Variants in ASCC3 observed in about 807,000 individuals in gnomAD.
The protein encoded by ASCC3 is ASC-1 complex subunit P200.
In ASCC3, 158 loss-of-function variants were observed where a neutral mutation model predicts 256.3. That is an observed-to-expected ratio of 0.62 (90% confidence interval 0.54 to 0.70). The LOEUF is 0.70. Among genes scored for constraint, ASCC3 ranks in the 30% least tolerant of loss-of-function variants. The probability of loss-of-function intolerance (pLI) is 0.00; values close to 1 mark genes in which losing one functional copy is unlikely to be tolerated. For missense variants in ASCC3, 2,259 were observed against 2,626.0 expected (o/e 0.86, Z 3.05); for synonymous variants, 948 against 883.4 (o/e 1.07, Z -1.30).
chr6:100,768,626 T>C (rs535373092), intron 8 of ASCC3, among the ~76,000 whole-genome samples: 1 of 152,158 alleles, frequency 6.6e-6, no homozygotes, highest in African/African-American at 2.4e-5. Context: ...AAATCCACAA[T>C]TACAATCAAA....
intron 16 of ASCC3, among the ~76,000 whole-genome samples, chr6:100,659,552 C>A (rs1409238261): frequency 6.6e-6 from 1 of 151,442 alleles, no homozygotes; most frequent in Non-Finnish European, 1.5e-5. Context: ...CTGAAAATCA[C>A]ACATTTAATA....
intron 10 of ASCC3, among the ~76,000 whole-genome samples, chr6:100,740,613 C>A (rs1294362058): frequency 6.6e-6 from 1 of 152,150 alleles, no homozygotes; most frequent in African/African-American, 2.4e-5. Flanking sequence ...AATCTGGGTG[C>A]TCCTGTATTG....
intron 10 of ASCC3, among the ~76,000 whole-genome samples, chr6:100,755,569 A>G (rs1267459850): frequency 2.0e-5 from 3 of 152,142 alleles, no homozygotes; most frequent in African/African-American, 2.4e-5. Flanking sequence ...CTTAAAGATC[A>G]GACTACATGA....
At chr6:100,799,327 C>T (rs1263299127) in intron 7 of ASCC3, 104 bp downstream of exon 7, 3 of 1,263,444 alleles carry the variant, frequency 2.4e-6, no homozygotes, top group Non-Finnish European at 3.4e-6. Flanking sequence ...TAAAATTTAG[C>T]ATAGTCAACT....
chr6:100,758,981 T>C (rs1781312052), intron 10 of ASCC3, among the ~76,000 whole-genome samples: 1 of 152,236 alleles, frequency 6.6e-6, no homozygotes, highest in African/African-American at 2.4e-5. Flanking sequence ...TTTGCATTTC[T>C]CTAATGATCA....
intron 13 of ASCC3, among the ~76,000 whole-genome samples, chr6:100,681,493 T>A (rs9498063): frequency 0.074 from 11,155 of 151,200 alleles, 939 homozygotes; most frequent in East Asian, 0.31. Flanking sequence ...CTTTGGGAGG[T>A]CAAGGTGGGT....
chr6:100,558,260 T>A lies in ASCC3; in HGVS notation c.5551-17873A>T, dbSNP rs556653717. Among the ~76,000 whole-genome samples, 12 of 152,048 alleles carry A rather than the reference T, an allele frequency of 7.9e-5. No individual in the cohort carries two copies. In the East Asian group the frequency reaches 2.3e-3, roughly 29 times the overall value. The stretch of plus-strand genomic sequence containing the variant: ...GATATATATATTTCTGGTAAAAAAA[T>A]TTTCTATATGATTGTGTGCTAAAAG... On this transcript the variant is annotated intron_variant, in intron 36 of 41. Transcript: ENST00000369162.
At chr6:100,840,559 G>T (rs1311546008) in intron 4 of ASCC3, among the ~76,000 whole-genome samples, 7 of 128,616 alleles carry the variant, frequency 5.4e-5, no homozygotes, top group Admixed American at 1.6e-4. Context: ...AGTCTTTATT[G>T]CAATGTTATT....
intron 29 of ASCC3, among the ~76,000 whole-genome samples, chr6:100,626,802 G>A (rs148014981): frequency 2.6e-5 from 4 of 152,146 alleles, no homozygotes; most frequent in African/African-American, 9.6e-5. Context: ...TGGATCTCTT[G>A]TCTTTCTTTA....
intron 8 of ASCC3, among the ~76,000 whole-genome samples, chr6:100,785,482 A>G (rs1769019283): frequency 6.6e-6 from 1 of 152,110 alleles, no homozygotes; most frequent in Non-Finnish European, 1.5e-5. Flanking sequence ...GCTCACTGCA[A>G]TCTCAAACTC....
Position 100,599,822 on chromosome 6 carries a change from T to C in ASCC3, c.5303+1988A>G, listed in dbSNP as rs574142265. Among the ~76,000 whole-genome samples the C allele has an allele frequency of 2.6e-5, 4 of 152,230 alleles. No homozygotes were observed. In the South Asian group the frequency reaches 8.3e-4, roughly 32 times the overall value. Reference sequence around the variant, plus strand: ...ACTGACTAAAATGACTAGGTTCTTATCTCTAAACTAGACTCTTTAGGATGG... The same window carrying C: ...ACTGACTAAAATGACTAGGTTCTTACCTCTAAACTAGACTCTTTAGGATGG... On this transcript the variant is annotated intron_variant, in intron 34 of 41. Coordinates refer to ENST00000369162, the MANE Select transcript of ASCC3 (RefSeq NM_006828.4).
chr6:100,623,514 G>A (rs1474991818), intron 30 of ASCC3, among the ~76,000 whole-genome samples: 1 of 152,110 alleles, frequency 6.6e-6, no homozygotes, highest in Non-Finnish European at 1.5e-5. Flanking sequence ...AAGTAGAAGG[G>A]GAGAAATATG....
At chr6:100,875,618 A>C (rs1583001029) in intron 1 of ASCC3, among the ~76,000 whole-genome samples, 2 of 152,150 alleles carry the variant, frequency 1.3e-5, no homozygotes, top group South Asian at 4.1e-4. Flanking sequence ...TCCACCCCTA[A>C]AGGCCTCTTG....
At chr6:100,613,093 C>G (rs1277332533) in intron 30 of ASCC3, among the ~76,000 whole-genome samples, 3 of 148,126 alleles carry the variant, frequency 2.0e-5, no homozygotes, top group Non-Finnish European at 3.0e-5. Context: ...GGAAAGCATG[C>G]TTAAATTTGT....
intron 13 of ASCC3, among the ~76,000 whole-genome samples, chr6:100,688,587 T>C (rs541194856): frequency 5.3e-5 from 8 of 152,316 alleles, no homozygotes; most frequent in Non-Finnish European, 7.4e-5. Flanking sequence ...TGATGCCTTA[T>C]CCTTTTGGGC....
At chr6:100,762,069 G>C in intron 10 of ASCC3, among the ~76,000 whole-genome samples, 1 of 152,100 alleles carries the variant, frequency 6.6e-6, no homozygotes, top group East Asian at 1.9e-4. Context: ...AACCACAATT[G>C]CTGGAGCTTT....
At chr6:100,790,458 C>T (rs1001201549) in intron 8 of ASCC3, among the ~76,000 whole-genome samples, 1 of 151,938 alleles carries the variant, frequency 6.6e-6, no homozygotes, top group East Asian at 1.9e-4. Flanking sequence ...ATAACCAATA[C>T]ATATGTACTT....
rs998176116 is a variant in ASCC3, at chr6:100,655,676, T to C, written c.2823+23A>G. 2.5e-6 allele frequency: 4 copies of C among 1,606,664 alleles called. No homozygotes were observed. The Admixed American group carries it at 6.7e-5, about 27-fold the overall frequency. Reference sequence around the variant, plus strand: ...AACCAAAAAGAAGGTCTGAATTTTTTTTTTAATAAATGAGTTTTCTACCTG... The same window carrying C: ...AACCAAAAAGAAGGTCTGAATTTTTCTTTTAATAAATGAGTTTTCTACCTG... On this transcript the variant is annotated intron_variant, in intron 17 of 41. Coordinates refer to ENST00000369162, the MANE Select transcript of ASCC3 (RefSeq NM_006828.4).
intron 13 of ASCC3, among the ~76,000 whole-genome samples, chr6:100,684,449 C>T (rs1428474844): frequency 6.6e-6 from 1 of 152,256 alleles, no homozygotes; most frequent in South Asian, 2.1e-4. Flanking sequence ...GGGCAAGCCA[C>T]GAAACTGCAT....
Sources: gnomAD v4.1 joint callset for allele counts (sites outside exome capture counted in the v4.1 genomes callset) on GRCh38, gnomAD v4.1.1 for gene constraint, MANE v1.5 for transcripts, NCBI Gene and HGNC (gene_info 2026-07-23, HGNC 2026-07-21) for gene names.